Variants in CCDC7 observed in about 807,000 individuals in gnomAD.
CCDC7 encodes coiled-coil domain-containing protein 7.
A neutral mutation model predicts 196.9 loss-of-function variants in CCDC7; 183 were observed. The ratio of observed to expected loss-of-function variants is 0.93; its 90% CI spans 0.82 to 1.05. The LOEUF (loss-of-function observed/expected upper bound fraction) is 1.05. Among genes scored for constraint, CCDC7 ranks in the 50% least tolerant of loss-of-function variants. CCDC7 has a pLI of 0.00. For synonymous variants in CCDC7, 525 were observed against 484.6 expected, an observed-to-expected ratio of 1.08 and a Z score of -1.10; for missense variants, 1,540 against 1,482.2, an observed-to-expected ratio of 1.04 and a Z score of -0.64.
At chr10:32,727,308 T>C (rs1215936489) in intron 26 of CCDC7, among the ~76,000 whole-genome samples, 5 of 152,150 alleles carry the variant, frequency 3.3e-5, no homozygotes, top group Admixed American at 6.5e-5. Context: ...GGGCATTTTG[T>C]TGGTTGAGCG....
rs971714564 is a variant in CCDC7, at chr10:32,605,778, C to T, written c.1801+21474C>T. 4.6e-5 allele frequency among the ~76,000 whole-genome samples: 7 copies of T among 151,802 alleles called. 1 individual carries two copies. Among genetic ancestry groups the T allele is most frequent in the Admixed American group, 3.9e-4 (6 of 15,230 alleles). On this transcript the variant is annotated intron_variant, in intron 18 of 41. Coordinates refer to ENST00000639629, the Ensembl canonical transcript of CCDC7. ...AGGAGCAAAGAAATGACTTAAAATT[C>T]CAAGTTATATTTAAAAGGGAAGCAG...
intron 40 of CCDC7, among the ~76,000 whole-genome samples, chr10:32,853,437 A>G (rs960808916): frequency 6.6e-6 from 1 of 152,202 alleles, no homozygotes; most frequent in African/African-American, 2.4e-5. Flanking sequence ...TCAAGCAAAC[A>G]CTTGCCTTAA....
In CCDC7 at chr10:32,703,913, C is replaced by T. The variant is rs547515893; in HGVS notation, c.2459-7707C>T. On this transcript the variant is annotated intron_variant, in intron 24 of 41. Coordinates refer to ENST00000639629, the Ensembl canonical transcript of CCDC7. ...GCATTGGTTATTCTAGTTAGACATT[C>T]GTCTAATTTTTTTTCAAGGTTTTTA... 6.6e-5 allele frequency among the ~76,000 whole-genome samples: 10 copies of T among 152,064 alleles called. No individual in the cohort carries two copies. In the East Asian group the frequency reaches 1.2e-3, roughly 18 times the overall value.
chr10:32,689,134 A>G, exon 23 of CCDC7: 1 of 1,598,372 alleles, frequency 6.3e-7, no homozygotes, highest in Non-Finnish European at 8.6e-7. Context: ...GTGAAGGAAC[A>G]AAGAACTCTC....
In CCDC7 at chr10:32,492,076, A is replaced by G. The variant is rs1214863911; in HGVS notation, c.872+79A>G. 21 of 1,352,336 alleles carry G rather than the reference A, an allele frequency of 1.6e-5. No homozygotes were observed. In the East Asian group the frequency reaches 5.8e-4, roughly 37 times the overall value. The allele number at this position is 1,352,336 out of a possible 1,614,324, so 83.8% of individuals were successfully genotyped here. ...GATAAAATTGTATTTTTCCATATGTAATATGTTCATTGAAAAAAGTTAGTA... is the reference window on the plus strand; with the variant it reads ...GATAAAATTGTATTTTTCCATATGTGATATGTTCATTGAAAAAAGTTAGTA... On this transcript the variant is annotated intron_variant, in intron 9 of 41. Transcript: ENST00000639629.
At chr10:32,755,983 A>G (rs55957915) in intron 28 of CCDC7, among the ~76,000 whole-genome samples, 47,180 of 152,046 alleles carry the variant, frequency 0.31, 8,962 homozygotes, top group African/African-American at 0.53. Flanking sequence ...TAGCCAATTC[A>G]ATCAAGTGGA....
intron 18 of CCDC7, among the ~76,000 whole-genome samples, chr10:32,588,934 G>A (rs895489709): frequency 6.6e-6 from 1 of 151,886 alleles, no homozygotes; most frequent in Non-Finnish European, 1.5e-5. Context: ...TTTGATACTG[G>A]CGTATAATGT....
At chr10:32,833,416 G>A (rs1180719273) in intron 32 of CCDC7, among the ~76,000 whole-genome samples, 1 of 151,060 alleles carries the variant, frequency 6.6e-6, no homozygotes. Context: ...GAGATGTAAA[G>A]TACTGGGAGG....
intron 3 of CCDC7, among the ~76,000 whole-genome samples, chr10:32,459,646 ATTTTTTTTTT>A (rs60002951): frequency 3.3e-4 from 23 of 68,738 alleles, no homozygotes; most frequent in Admixed American, 7.0e-4. Flanking sequence ...CCTGCTGCAC[ATTTTTTTTTT>A]TTTTTTTTTT....
intron 18 of CCDC7, among the ~76,000 whole-genome samples, chr10:32,588,709 G>T (rs1432919948): frequency 1.3e-5 from 2 of 152,074 alleles, no homozygotes; most frequent in East Asian, 1.9e-4. Flanking sequence ...TTAGAAGAGT[G>T]TGAGGAGAAT....
At chr10:32,827,655 G>A (rs566446838) in intron 32 of CCDC7, among the ~76,000 whole-genome samples, 1 of 149,892 alleles carries the variant, frequency 6.7e-6, no homozygotes, top group Non-Finnish European at 1.5e-5. Context: ...GGGGTGGGGG[G>A]CTGGGGGAGG....
chr10:32,575,323 C>T (rs1356342336), intron 16 of CCDC7, among the ~76,000 whole-genome samples: 3 of 152,124 alleles, frequency 2.0e-5, no homozygotes, highest in African/African-American at 2.4e-5. Context: ...TTAATATCCT[C>T]AGTTAACTGT....
At chr10:32,642,247 G>T (rs1290402349) in intron 20 of CCDC7, among the ~76,000 whole-genome samples, 1 of 152,212 alleles carries the variant, frequency 6.6e-6, no homozygotes, top group East Asian at 1.9e-4. Context: ...TGCCCCCAGA[G>T]GTGGAGTCTA....
intron 39 of CCDC7, among the ~76,000 whole-genome samples, chr10:32,849,113 TG>T (rs886327558): frequency 4.0e-5 from 6 of 148,854 alleles, no homozygotes; most frequent in African/African-American, 1.5e-4. Context: ...TGCTGGGTTT[TG>T]TTTTTTTTTT....
At chr10:32,817,493 A>T (rs553319373) in intron 31 of CCDC7, among the ~76,000 whole-genome samples, 5 of 152,296 alleles carry the variant, frequency 3.3e-5, no homozygotes, top group African/African-American at 1.2e-4. Context: ...AGAAAGCCAC[A>T]AAGATACTCC....
chr10:32,513,195 G>A (rs2046495625), intron 9 of CCDC7: 1 of 151,932 alleles, frequency 6.6e-6, no homozygotes, highest in Non-Finnish European at 1.5e-5. Context: ...ATAATCTATG[G>A]TAAATGGATA....
At chr10:32,668,457 A>G (rs59528598) in intron 21 of CCDC7, among the ~76,000 whole-genome samples, 7,987 of 152,058 alleles carry the variant, frequency 0.053, 713 homozygotes, top group African/African-American at 0.18. Context: ...CAGTTTTCAA[A>G]GGGAATGCTT....
At chr10:32,647,288 T>C (rs929874735) in intron 20 of CCDC7, among the ~76,000 whole-genome samples, 2 of 152,042 alleles carry the variant, frequency 1.3e-5, no homozygotes, top group African/African-American at 2.4e-5. Flanking sequence ...GGGTGGATCA[T>C]TTGAGGTCAG....
chr10:32,570,527 A>G (rs2137043191), intron 15 of CCDC7, among the ~76,000 whole-genome samples: 1 of 152,364 alleles, frequency 6.6e-6, no homozygotes, highest in Non-Finnish European at 1.5e-5. Flanking sequence ...AGTCCAAGGA[A>G]GTTCAAGGTC....
Sources: allele counts gnomAD v4.1 joint callset (sites outside exome capture counted in the v4.1 genomes callset), GRCh38; gene constraint gnomAD v4.1.1; transcripts MANE v1.5; gene names NCBI Gene and HGNC (gene_info 2026-07-23, HGNC 2026-07-21).